The following PPM1L variants were observed in gnomAD, a reference collection of about 807,000 sequenced individuals.
PPM1L encodes the protein protein phosphatase 1L.
In PPM1L, 13 loss-of-function variants were observed where a neutral mutation model predicts 31.4. The ratio of observed to expected loss-of-function variants is 0.41; its 90% CI spans 0.27 to 0.66. The LOEUF is 0.66. Among genes scored for constraint, PPM1L ranks in the 30% least tolerant of loss-of-function variants. PPM1L has a pLI of 0.29. For missense variants in PPM1L, 326 were observed against 453.7 expected (o/e 0.72, Z 2.56); for synonymous variants, 184 against 175.4 (o/e 1.05, Z -0.39).
At chr3:161,014,164 T>G (rs1717994090) in intron 2 of PPM1L, among the ~76,000 whole-genome samples, 1 of 152,186 alleles carries the variant, frequency 6.6e-6, no homozygotes, top group Non-Finnish European at 1.5e-5. Context: ...CTGGTACTGG[T>G]TGTTCCTTTC....
At chr3:160,790,210 T>C (rs1712061387) in intron 1 of PPM1L, among the ~76,000 whole-genome samples, 1 of 152,168 alleles carries the variant, frequency 6.6e-6, no homozygotes, top group African/African-American at 2.4e-5. Flanking sequence ...TTACATGAAC[T>C]GTTATTAACT....
rs201253772 is a variant in PPM1L, at chr3:160,835,039, ACTTCTTCTT to A, written c.399+78372_399+78380del. 8.3e-3 allele frequency among the ~76,000 whole-genome samples: 1,097 copies of A among 131,804 alleles called. 4 individuals carry two copies. Among genetic ancestry groups the A allele is most frequent in the Non-Finnish European group, 0.011 (710 of 63,422 alleles). 86.5% of individuals were successfully genotyped at this position (131,804 alleles called of 152,430 possible). A position where few individuals can be genotyped will look rare whatever the true frequency, so the allele number is the denominator to read the frequency against. On this transcript the variant is annotated intron_variant, in intron 1 of 3. Coordinates refer to ENST00000498165, the MANE Select transcript of PPM1L (RefSeq NM_139245.4). ...TACTACTACTACTATTACTACTACT[ACTTCTTCTT>A]CTTCTTCTTCTTCTTCTTCTTCTTC...
intron 1 of PPM1L, among the ~76,000 whole-genome samples, chr3:160,842,890 C>T (rs902764410): frequency 1.3e-5 from 2 of 152,172 alleles, no homozygotes; most frequent in Non-Finnish European, 2.9e-5. Context: ...TGGCCTAGTT[C>T]TAACTCACCA....
rs1273918204 is a variant in PPM1L, at chr3:161,072,429, T to A, written c.*3272T>A. On this transcript the variant is annotated 3_prime_UTR_variant, in exon 4 of 4. Transcript: ENST00000498165. ...ATACAGAGAGTGTTATAGTGAAGGA[T>A]GTAAGCTGGATAATTTAAAACAGAC... is the stretch of plus-strand genomic sequence containing the variant. 1 of 152,242 alleles carries A rather than the reference T, an allele frequency of 6.6e-6. No homozygotes were observed. The highest frequency in any genetic ancestry group is 1.9e-4 in the East Asian group (1 of 5,198). The allele number at this position is 152,242 out of a possible 1,614,324, so 9.4% of individuals were successfully genotyped here.
intron 1 of PPM1L, among the ~76,000 whole-genome samples, chr3:160,808,627 C>T (rs1712715204): frequency 6.6e-6 from 1 of 152,120 alleles, no homozygotes; most frequent in African/African-American, 2.4e-5. Flanking sequence ...CCCAAAGAGC[C>T]AGACTCAAAG....
intron 2 of PPM1L, among the ~76,000 whole-genome samples, chr3:161,050,527 A>G (rs572733178): frequency 3.3e-5 from 5 of 152,336 alleles, no homozygotes; most frequent in South Asian, 2.1e-4. Flanking sequence ...ATATATTTGT[A>G]TACACATTTC....
intron 1 of PPM1L, among the ~76,000 whole-genome samples, chr3:160,900,318 T>C (rs1424650131): frequency 6.6e-6 from 1 of 152,170 alleles, no homozygotes; most frequent in Non-Finnish European, 1.5e-5. Flanking sequence ...CATTTTATTT[T>C]GTGTTTTCTG....
intron 1 of PPM1L, among the ~76,000 whole-genome samples, chr3:160,758,968 T>G (rs1402553026): frequency 6.6e-6 from 1 of 152,220 alleles, no homozygotes; most frequent in Non-Finnish European, 1.5e-5. Context: ...TGGCTTTGTT[T>G]TAGGGCAAAA....
chr3:161,032,424 T>C (rs1036224090), intron 2 of PPM1L, among the ~76,000 whole-genome samples: 2 of 152,222 alleles, frequency 1.3e-5, no homozygotes, highest in African/African-American at 4.8e-5. Flanking sequence ...CTTTCTTACT[T>C]ACATATATAA....
chr3:161,004,754 G>A (rs1230177044), intron 2 of PPM1L, among the ~76,000 whole-genome samples: 1 of 150,202 alleles, frequency 6.7e-6, no homozygotes, highest in Non-Finnish European at 1.5e-5. Flanking sequence ...AGTCTTGCTA[G>A]CGGTCTATCA....
rs550641435 is a variant in PPM1L at position 161,070,307 on chromosome 3, G to T, written c.*1150G>T. 6.6e-6 allele frequency: 1 copy of T among 152,334 alleles called. No homozygotes were observed. The highest frequency in any genetic ancestry group is 1.9e-4 in the East Asian group (1 of 5,178). The allele number at this position is 152,334 out of a possible 1,614,324, so 9.4% of individuals were successfully genotyped here. A position where few individuals can be genotyped will look rare whatever the true frequency, so the allele number is the denominator to read the frequency against. On this transcript the variant is annotated 3_prime_UTR_variant, in exon 4 of 4. Transcript: ENST00000498165. Reference sequence around the variant, plus strand: ...ATTTGGTGGGAAACTACTGGGATAAGCTTCTCCTTGACAATGGAAAGGCAG... The same window carrying T: ...ATTTGGTGGGAAACTACTGGGATAATCTTCTCCTTGACAATGGAAAGGCAG...
At chr3:160,783,669 G>T (rs1711815716) in intron 1 of PPM1L, among the ~76,000 whole-genome samples, 1 of 151,802 alleles carries the variant, frequency 6.6e-6, no homozygotes. Context: ...AAAATTCTGT[G>T]GTTTAAAGAA....
At chr3:160,910,261 T>TCCCCTC (rs1713920667) in intron 1 of PPM1L, among the ~76,000 whole-genome samples, 1 of 53,442 alleles carries the variant, frequency 1.9e-5, no homozygotes, top group African/African-American at 7.3e-5. Context: ...CCTTCCCCTT[T>TCCCCTC]CCCCTTCCCC....
At chr3:160,893,315 A>G (rs1023610076) in intron 1 of PPM1L, among the ~76,000 whole-genome samples, 1 of 152,208 alleles carries the variant, frequency 6.6e-6, no homozygotes, top group South Asian at 2.1e-4. Context: ...AGTTGCCAGC[A>G]TTCATACCTC....
At chr3:161,054,177 G>A (rs1719351634) in intron 2 of PPM1L, among the ~76,000 whole-genome samples, 1 of 151,976 alleles carries the variant, frequency 6.6e-6, no homozygotes, top group African/African-American at 2.4e-5. Flanking sequence ...AAGATGGTTT[G>A]CTATCCTAGT....
At chr3:160,982,292 G>C (rs1716826725) in intron 2 of PPM1L, among the ~76,000 whole-genome samples, 1 of 151,816 alleles carries the variant, frequency 6.6e-6, no homozygotes, top group Non-Finnish European at 1.5e-5. Flanking sequence ...TTTCCTTCTA[G>C]AGCTTCCTAA....
intron 1 of PPM1L, among the ~76,000 whole-genome samples, chr3:160,834,471 A>ATGTGTGTGTG (rs150328470): frequency 1.4e-3 from 196 of 139,056 alleles, no homozygotes; most frequent in African/African-American, 2.0e-3. Context: ...GTGTATGTGT[A>ATGTGTGTGTG]TGTGTGTGTG....
At chr3:160,827,447 TTGTGTGTG>T (rs59524935) in intron 1 of PPM1L, among the ~76,000 whole-genome samples, 3,747 of 141,438 alleles carry the variant, frequency 0.026, 66 homozygotes, top group South Asian at 0.044. Context: ...TGATATAAGT[TTGTGTGTG>T]TGTGTGTGTG....
chr3:161,064,519 G>C (rs1348383423), intron 2 of PPM1L, among the ~76,000 whole-genome samples: 1 of 152,148 alleles, frequency 6.6e-6, no homozygotes, highest in Non-Finnish European at 1.5e-5. Context: ...TAACGAGGGA[G>C]ATATGTTTGA....
Sources: allele counts gnomAD v4.1 joint callset (sites outside exome capture counted in the v4.1 genomes callset), GRCh38; gene constraint gnomAD v4.1.1; transcripts MANE v1.5; gene names NCBI Gene and HGNC (gene_info 2026-07-23, HGNC 2026-07-21).